NKD1: variants seen among roughly 807,000 people sequenced by gnomAD.
NKD1 encodes the protein protein naked cuticle homolog 1.
In NKD1, 21 loss-of-function variants were observed where a neutral mutation model predicts 56.0. The ratio of observed to expected loss-of-function variants is 0.38; its 90% CI spans 0.27 to 0.54. The LOEUF is 0.54. NKD1 is among the 20% of genes least tolerant of loss of function. NKD1 has a pLI of 0.82. For synonymous variants in NKD1, 263 were observed against 265.7 expected (o/e 0.99, Z 0.10); for missense variants, 578 against 642.7 (o/e 0.90, Z 1.09).
chr16:50,549,098 C>G (rs924415132), intron 2 of NKD1: 1 of 162,252 alleles, frequency 6.2e-6, no homozygotes, highest in Non-Finnish European at 1.2e-5. Context: ...CTGGCTCCTG[C>G]ACCTACTGCG....
chr16:50,575,329 G>A lies in NKD1; in HGVS notation c.192+25774G>A, dbSNP rs967247233. On this transcript the variant is annotated intron_variant, in intron 3 of 9. Transcript: ENST00000268459. ...TTTTATAGGCGGGTGGTTCACAAGT[G>A]TTTGCTTCATAGGCCAGAGCCGGCT... 13 of 985,260 alleles carry A rather than the reference G, an allele frequency of 1.3e-5. No individual in the cohort carries two copies. The South Asian group carries it at 2.3e-4, about 18-fold the overall frequency. 61.0% of individuals were successfully genotyped at this position (985,260 alleles called of 1,614,324 possible).
Position 50,633,297 on chromosome 16 carries a change from C to T in NKD1, c.929C>T (p.Pro310Leu), listed in dbSNP as rs959664616. Residue 310 changes from proline (P) to leucine (L), a missense_variant, in exon 10 of 10, where the codon CCC (proline) becomes CTC (leucine). Coordinates refer to ENST00000268459, the MANE Select transcript of NKD1 (RefSeq NM_033119.5). The surrounding 1 kb of genome is among the most constrained non-coding windows in gnomAD (Gnocchi z 4.9). ...PEAIHIPHRKPQGVDPASFHF... is the reference protein window; with the variant it reads ...PEAIHIPHRKLQGVDPASFHF... ...GCCATCCACATCCCACACCGAAAGCCCCAAGGCGTGGACCCGGCCTCCTTC... is the reference window on the plus strand; with the variant it reads ...GCCATCCACATCCCACACCGAAAGCTCCAAGGCGTGGACCCGGCCTCCTTC... The T allele has an allele frequency of 6.2e-7, 1 of 1,614,146 alleles. No individual in the cohort carries two copies. The highest frequency in any genetic ancestry group is 8.5e-7 in the Non-Finnish European group (1 of 1,180,008).
intron 3 of NKD1, among the ~76,000 whole-genome samples, chr16:50,563,714 G>T (rs562009372): frequency 7.1e-6 from 1 of 141,434 alleles, no homozygotes; most frequent in South Asian, 2.4e-4. Flanking sequence ...TCCTCAGTGG[G>T]CACAGCCCTG....
intron 5 of NKD1, 99 bp downstream of exon 5, chr16:50,621,807 G>C (rs1962097208): frequency 1.2e-6 from 1 of 867,610 alleles, no homozygotes; most frequent in South Asian, 1.6e-5. Flanking sequence ...CAGACAGGAA[G>C]GCCCCTCCCC....
chr16:50,552,097 G>T (rs764355445), intron 3 of NKD1: 2 of 152,224 alleles, frequency 1.3e-5, no homozygotes, highest in Non-Finnish European at 2.9e-5. Context: ...CTGTTTTGGG[G>T]CTAGTCTCTG....
At chr16:50,553,853 C>G (rs1960442201) in intron 3 of NKD1, 1 of 152,394 alleles carries the variant, frequency 6.6e-6, no homozygotes, top group Non-Finnish European at 1.5e-5. Context: ...TCATGGGCAC[C>G]AGGGCCAGCT....
At chr16:50,582,211 G>A (rs1459524860) in intron 3 of NKD1, among the ~76,000 whole-genome samples, 1 of 152,172 alleles carries the variant, frequency 6.6e-6, no homozygotes, top group Non-Finnish European at 1.5e-5. Context: ...ATCTGGAGCT[G>A]TTTGCTAATT....
At position 50,639,955 on chromosome 16, in the gene NKD1, T is replaced by G. The variant is rs779942590; in HGVS notation, c.*6174T>G. 1 of 152,358 alleles carries G rather than the reference T, an allele frequency of 6.6e-6. No homozygotes were observed. Among genetic ancestry groups the G allele is most frequent in the East Asian group, 1.9e-4 (1 of 5,186 alleles). The allele number at this position is 152,358 out of a possible 1,614,324, so 9.4% of individuals were successfully genotyped here. ...GGCCAGCTTTGGGGACTAGGGCTTG[T>G]TGCGACTACCAGCTGTCTCATTTTG... On this transcript the variant is annotated 3_prime_UTR_variant, in exon 10 of 10. Coordinates refer to ENST00000268459, the MANE Select transcript of NKD1 (RefSeq NM_033119.5).
chr16:50,621,458 C>A (rs1962086283), intron 4 of NKD1, 144 bp from the exon 5 acceptor site: 1 of 588,910 alleles, frequency 1.7e-6, no homozygotes, highest in Non-Finnish European at 3.0e-6. Context: ...GTGATGTTGA[C>A]CCCAGCAAAT....
intron 3 of NKD1, among the ~76,000 whole-genome samples, chr16:50,586,166 C>T (rs1961225322): frequency 1.3e-5 from 2 of 152,166 alleles, no homozygotes; most frequent in African/African-American, 4.8e-5. Flanking sequence ...TGGCCTTTGA[C>T]ATTTTAGAAG....
chr16:50,601,532 T>A (rs933252666), intron 3 of NKD1, among the ~76,000 whole-genome samples: 2 of 152,226 alleles, frequency 1.3e-5, no homozygotes, highest in Non-Finnish European at 2.9e-5. Flanking sequence ...GGCCTGAGGC[T>A]GGTCCCAGTA....
chr16:50,605,822 A>G (rs1961694228), intron 3 of NKD1, among the ~76,000 whole-genome samples: 1 of 152,226 alleles, frequency 6.6e-6, no homozygotes, highest in African/African-American at 2.4e-5. Context: ...CGTGCCTGAC[A>G]CATGGAAAAT....
chr16:50,585,772 C>G (rs1961215524), intron 3 of NKD1, among the ~76,000 whole-genome samples: 1 of 152,214 alleles, frequency 6.6e-6, no homozygotes, highest in Admixed American at 6.5e-5. Flanking sequence ...ATAGTAATAA[C>G]TGATAGCAGT....
At chr16:50,604,952 T>C (rs981681675) in intron 3 of NKD1, among the ~76,000 whole-genome samples, 5 of 152,228 alleles carry the variant, frequency 3.3e-5, no homozygotes, top group Admixed American at 2.0e-4. Context: ...AGCTGCCAGC[T>C]GGGCTATTTT....
chr16:50,575,575 A>T (rs925430592), intron 3 of NKD1, among the ~76,000 whole-genome samples: 2 of 152,208 alleles, frequency 1.3e-5, no homozygotes, highest in Non-Finnish European at 1.5e-5. Context: ...GAGCTCGAAC[A>T]CTGAGAAGTA....
chr16:50,589,739 C>A (rs1961313880), intron 3 of NKD1, among the ~76,000 whole-genome samples: 1 of 105,636 alleles, frequency 9.5e-6, no homozygotes, highest in Non-Finnish European at 1.9e-5. Flanking sequence ...CTTCTCTTCT[C>A]TTCTCTTCTC....
At chr16:50,549,286 GC>G in intron 2 of NKD1, 135 bp from the exon 3 acceptor site, 2 of 1,108,852 alleles carry the variant, frequency 1.8e-6, no homozygotes, top group Non-Finnish European at 2.5e-6. Flanking sequence ...CTTGGCTCCT[GC>G]CCCAGCCCGC....
At chr16:50,571,624 C>A in intron 3 of NKD1, 1 of 663,524 alleles carries the variant, frequency 1.5e-6, no homozygotes, top group Non-Finnish European at 1.9e-6. Context: ...CCCCTTCCTT[C>A]CCTGCAGAGC....
At position 50,634,035 on chromosome 16, in the gene NKD1, A is replaced by G; in HGVS notation, c.*254A>G. ...GTTTTGAGTGGCCTGTAATGGGCAG[A>G]GGCTCCCTCGGGGCTCGGGATCTGC... On this transcript the variant is annotated 3_prime_UTR_variant, in exon 10 of 10. Coordinates refer to ENST00000268459, the MANE Select transcript of NKD1 (RefSeq NM_033119.5). The G allele has an allele frequency of 2.8e-6, 1 of 361,628 alleles. No homozygotes were observed. The highest frequency in any genetic ancestry group is 4.9e-6 in the Non-Finnish European group (1 of 203,520). 22.4% of individuals were successfully genotyped at this position (361,628 alleles called of 1,614,324 possible).
Sources: gnomAD v4.1 joint callset for allele counts (sites outside exome capture counted in the v4.1 genomes callset) on GRCh38, gnomAD v4.1.1 for gene constraint, Gnocchi (gnomAD v3.1) non-coding constraint, MANE v1.5 for transcripts, NCBI Gene and HGNC (gene_info 2026-07-23, HGNC 2026-07-21) for gene names.